MRAP2: variants seen among roughly 807,000 people sequenced by gnomAD.
MRAP2 encodes the protein melanocortin 2 receptor accessory protein 2, also known as melanocortin-2 receptor accessory protein 2.
In MRAP2, 20 loss-of-function variants were observed where a neutral mutation model predicts 17.4. The observed-to-expected ratio is 1.15, with a 90% CI of 0.81 to 1.67. The LOEUF (loss-of-function observed/expected upper bound fraction) is 1.67, where lower values mean the gene tolerates loss of function less well. Among genes scored for constraint, MRAP2 ranks in the 40% most tolerant of loss-of-function variants. MRAP2 has a pLI of 0.00. For synonymous variants in MRAP2, 96 were observed against 88.4 expected (o/e 1.09, Z -0.48); for missense variants, 238 against 240.0 (o/e 0.99, Z 0.05).
At chr6:84,095,514 T>A (rs1409762063), downstream of MRAP2, among the ~76,000 whole-genome samples, 1 of 152,206 alleles carries the variant, frequency 6.6e-6, no homozygotes, top group African/African-American at 2.4e-5. Context: ...AGGTGACTTT[T>A]TAAATGCCTG....
the MRAP2 span, among the ~76,000 whole-genome samples, chr6:84,120,855 G>A: frequency 2.0e-4 from 31 of 152,082 alleles, no homozygotes; most frequent in Admixed American, 1.1e-3. Context: ...CTTCTTTTAC[G>A]TAAAAAATAG....
At chr6:84,072,154 T>C (rs181125608) in intron 3 of MRAP2, among the ~76,000 whole-genome samples, 119 of 152,306 alleles carry the variant, frequency 7.8e-4, no homozygotes, top group African/African-American at 2.7e-3. Flanking sequence ...GAGCCTTGTT[T>C]TGTCATATTA....
intron 2 of MRAP2, chr6:84,062,226 G>A: frequency 2.1e-6 from 1 of 479,834 alleles, no homozygotes; most frequent in Non-Finnish European, 2.7e-6. Context: ...CCTAGCCAAT[G>A]CTTCTGTAAC....
chr6:84,054,828 T>C (rs1213967846), intron 1 of MRAP2, among the ~76,000 whole-genome samples: 2 of 152,186 alleles, frequency 1.3e-5, no homozygotes, highest in East Asian at 3.9e-4. Flanking sequence ...TTCTAATTGA[T>C]GAAAGACTAA....
At chr6:84,126,918 T>C in the MRAP2 span, among the ~76,000 whole-genome samples, 1 of 152,222 alleles carries the variant, frequency 6.6e-6, no homozygotes, top group Non-Finnish European at 1.5e-5. Flanking sequence ...TCAATGAATA[T>C]GTATTTTTCT....
chr6:84,059,340 G>GA (rs2099492493), intron 2 of MRAP2, among the ~76,000 whole-genome samples: 1 of 152,200 alleles, frequency 6.6e-6, no homozygotes, highest in African/African-American at 2.4e-5. Flanking sequence ...AGAGACAAGT[G>GA]TGGGAACATC....
At chr6:84,119,321 A>G in the MRAP2 span, among the ~76,000 whole-genome samples, 1 of 152,096 alleles carries the variant, frequency 6.6e-6, no homozygotes, top group African/African-American at 2.4e-5. Context: ...GATTTCTTCC[A>G]ATTTGTGTTT....
the MRAP2 span, among the ~76,000 whole-genome samples, chr6:84,130,890 TCTG>T: frequency 6.6e-6 from 1 of 152,180 alleles, no homozygotes; most frequent in African/African-American, 2.4e-5. Context: ...TTTCTTGTCT[TCTG>T]CTAGCTTTTG....
chr6:84,084,083 A>AATAAT (rs1401258031), intron 3 of MRAP2, among the ~76,000 whole-genome samples: 1 of 151,996 alleles, frequency 6.6e-6, no homozygotes, highest in Non-Finnish European at 1.5e-5. Flanking sequence ...TAATAATAAT[A>AATAAT]AACCTCTCAT....
intron 1 of MRAP2, 66 bp from the exon 2 acceptor site, chr6:84,055,245 AT>A: frequency 6.5e-7 from 1 of 1,542,780 alleles, no homozygotes; most frequent in Non-Finnish European, 8.7e-7. Context: ...ATCAAGAGTA[AT>A]TAAGGTAACT....
chr6:84,058,382 A>C (rs919375126), intron 2 of MRAP2, among the ~76,000 whole-genome samples: 2 of 152,214 alleles, frequency 1.3e-5, no homozygotes, highest in Non-Finnish European at 2.9e-5. Context: ...GAGAAAGAAG[A>C]GTCAAGAATG....
At chr6:84,083,541 TATA>T (rs2099499530) in intron 3 of MRAP2, among the ~76,000 whole-genome samples, 1 of 152,214 alleles carries the variant, frequency 6.6e-6, no homozygotes, top group Non-Finnish European at 1.5e-5. Flanking sequence ...AGGGTGAGTT[TATA>T]ATTTTATCAC....
At chr6:84,064,519 GCT>G (rs1016580989) in intron 3 of MRAP2, among the ~76,000 whole-genome samples, 18 of 152,066 alleles carry the variant, frequency 1.2e-4, no homozygotes, top group East Asian at 3.9e-4. Flanking sequence ...ACGGAGTCTT[GCT>G]CTGTCACCCA....
chr6:84,074,570 G>A (rs2099497109), intron 3 of MRAP2, among the ~76,000 whole-genome samples: 3 of 152,190 alleles, frequency 2.0e-5, no homozygotes, highest in African/African-American at 7.2e-5. Context: ...AAGTGTGTGA[G>A]CTTCCCTTTG....
intron 3 of MRAP2, among the ~76,000 whole-genome samples, chr6:84,076,630 G>T (rs574305984): frequency 9.5e-4 from 144 of 152,278 alleles, no homozygotes; most frequent in Non-Finnish European, 1.7e-3. Flanking sequence ...AAAGTGCTGG[G>T]ATTACAAACG....
chr6:84,096,329 A>G, the MRAP2 span, among the ~76,000 whole-genome samples: 1 of 152,208 alleles, frequency 6.6e-6, no homozygotes, highest in African/African-American at 2.4e-5. Flanking sequence ...GTATACATTT[A>G]TGATAAAATT....
chr6:84,101,859 G>T, the MRAP2 span, among the ~76,000 whole-genome samples: 2 of 152,160 alleles, frequency 1.3e-5, no homozygotes, highest in Non-Finnish European at 2.9e-5. Flanking sequence ...GCTTTGCAAT[G>T]CTTCTCTCTT....
chr6:84,142,890 A>G, the MRAP2 span, among the ~76,000 whole-genome samples: 3 of 152,124 alleles, frequency 2.0e-5, no homozygotes, highest in Non-Finnish European at 4.4e-5. Context: ...CATGTGTTGT[A>G]AAAATAGTTA....
the MRAP2 span, among the ~76,000 whole-genome samples, chr6:84,143,939 T>C: frequency 1.3e-5 from 2 of 152,062 alleles, no homozygotes; most frequent in African/African-American, 4.8e-5. Context: ...TTAGGAAAAC[T>C]GAGTTTTCTC....
Sources: allele counts gnomAD v4.1 joint callset (sites outside exome capture counted in the v4.1 genomes callset), GRCh38; gene constraint gnomAD v4.1.1; transcripts MANE v1.5; gene names NCBI Gene and HGNC (gene_info 2026-07-23, HGNC 2026-07-21).